The following PIEZO2 variants were observed in gnomAD, a reference collection of about 807,000 sequenced individuals.
PIEZO2 encodes piezo-type mechanosensitive ion channel component 2.
PIEZO2 carries 172 observed loss-of-function variants against 337.3 expected under a neutral mutation model. That is an observed-to-expected ratio of 0.51 (90% CI 0.45 to 0.58). The LOEUF (loss-of-function observed/expected upper bound fraction) is 0.58. PIEZO2 is among the 20% of genes least tolerant of loss of function. The pLI is 0.00. For missense variants in PIEZO2, 3,028 were observed against 3,391.3 expected (o/e 0.89, Z 2.66); for synonymous variants, 1,251 against 1,228.5 (o/e 1.02, Z -0.38).
chr18:10,783,593 C>T lies in PIEZO2; in HGVS notation c.2492+1191G>A, dbSNP rs2039107929. On this transcript the variant is annotated intron_variant, in intron 17 of 55. Coordinates refer to ENST00000674853, the MANE Select transcript of PIEZO2 (RefSeq NM_001378183.1). This position sits in a 1 kb window ranked among gnomAD's most constrained non-coding sequence, Gnocchi z 4.3. ...ATATGGAGATGGTAAACCACTGACC[C>T]CATCCATGCCCTCCTCCCTGCTGGG... Among the ~76,000 whole-genome samples the T allele has an allele frequency of 6.6e-6, 1 of 152,174 alleles. No homozygotes were observed. The highest frequency in any genetic ancestry group is 2.1e-4 in the South Asian group (1 of 4,826).
intron 3 of PIEZO2, among the ~76,000 whole-genome samples, chr18:10,925,020 A>G (rs1281456382): frequency 1.3e-5 from 2 of 152,242 alleles, no homozygotes; most frequent in Admixed American, 6.5e-5. Flanking sequence ...TTTCCTGAAC[A>G]TATGTCAAAT....
At chr18:11,059,135 A>C (rs1305607077) in intron 2 of PIEZO2, among the ~76,000 whole-genome samples, 3 of 152,260 alleles carry the variant, frequency 2.0e-5, no homozygotes, top group African/African-American at 7.2e-5. Context: ...TTCAACCCAG[A>C]ATTTCATATC....
chr18:10,965,245 C>A lies in PIEZO2; in HGVS notation c.286+14290G>T, dbSNP rs552296920. 4.6e-5 allele frequency among the ~76,000 whole-genome samples: 7 copies of A among 152,268 alleles called. No individual in the cohort carries two copies. In the East Asian group the frequency reaches 1.2e-3, roughly 25 times the overall value. ...CACACTGGGTGTATGATTTTCATTCCCACCAGCAGAGAGCTCCAGTTTCTC... is the reference window on the plus strand; with the variant it reads ...CACACTGGGTGTATGATTTTCATTCACACCAGCAGAGAGCTCCAGTTTCTC... On this transcript the variant is annotated intron_variant, in intron 3 of 55. Coordinates refer to ENST00000674853, the MANE Select transcript of PIEZO2 (RefSeq NM_001378183.1).
At chr18:10,809,579 C>T (rs1242141649) in intron 7 of PIEZO2, among the ~76,000 whole-genome samples, 3 of 148,946 alleles carry the variant, frequency 2.0e-5, no homozygotes, top group African/African-American at 7.4e-5. Flanking sequence ...CTCTCTCTCT[C>T]TTTTTTTTTT....
At chr18:11,119,984 G>A (rs79229940) in intron 1 of PIEZO2, among the ~76,000 whole-genome samples, 1,527 of 152,258 alleles carry the variant, frequency 0.01, 31 homozygotes, top group African/African-American at 0.035. Flanking sequence ...GTACCTCCAT[G>A]TTATAATTTG....
rs1599002947 is a variant in PIEZO2, at chr18:11,128,527, G to A, written c.64+19998C>T. ...CTCTGATGAACCTTTTTTGCCAGAA[G>A]GAACAGCTTCCCCATCCCCAGTAGC... is the stretch of plus-strand genomic sequence containing the variant. On this transcript the variant is annotated intron_variant, in intron 1 of 55. Coordinates refer to ENST00000674853, the MANE Select transcript of PIEZO2 (RefSeq NM_001378183.1). This position sits in a 1 kb window ranked among gnomAD's most constrained non-coding sequence, Gnocchi z 4.1. Among the ~76,000 whole-genome samples the A allele has an allele frequency of 1.3e-5, 2 of 152,224 alleles. No individual in the cohort carries two copies. The highest frequency in any genetic ancestry group is 3.9e-4 in the East Asian group (2 of 5,180).
At position 10,854,552 on chromosome 18, in the gene PIEZO2, G is replaced by T. The variant is rs1458089412; in HGVS notation, c.917+801C>A. ...GAATTTTCTCTCATTCACTGAGAAT[G>T]ACTTATTAAAAGTCAAAGTAAATGC... is the stretch of plus-strand genomic sequence containing the variant. On this transcript the variant is annotated intron_variant, in intron 7 of 55. Transcript: ENST00000674853. This position sits in a 1 kb window ranked among gnomAD's most constrained non-coding sequence, Gnocchi z 4.6. Among the ~76,000 whole-genome samples, 1 of 152,142 alleles carries T rather than the reference G, an allele frequency of 6.6e-6. No individual in the cohort carries two copies. Among genetic ancestry groups the T allele is most frequent in the Non-Finnish European group, 1.5e-5 (1 of 68,032 alleles).
Position 10,714,917 on chromosome 18 carries a change from G to T in PIEZO2, c.5270C>A (p.Thr1757Asn). The change falls in exon 39 of 56, where the codon ACT becomes AAT. Residue 1757 changes from threonine (T) to asparagine (N), a missense_variant. Transcript: ENST00000674853. ...TREIKKGNVPTRESIHMYYQN... is the reference protein window; with the variant it reads ...TREIKKGNVPNRESIHMYYQN... ...ATAGTACATGTGGATGCTCTCCCGA[G>T]TTGGAACATTGCCCTGAGGAGAATG... The T allele has an allele frequency of 4.6e-6, 7 of 1,537,102 alleles. No individual in the cohort carries two copies. The highest frequency in any genetic ancestry group is 6.1e-6 in the Non-Finnish European group (7 of 1,146,814).
At chr18:11,135,549 T>G (rs963184684) in intron 1 of PIEZO2, among the ~76,000 whole-genome samples, 2 of 152,212 alleles carry the variant, frequency 1.3e-5, no homozygotes, top group East Asian at 3.9e-4. Context: ...GCAGATTGAT[T>G]GATTGATTGA....
intron 53 of PIEZO2, among the ~76,000 whole-genome samples, chr18:10,675,756 T>C (rs192421652): frequency 0.011 from 1,612 of 152,288 alleles, 17 homozygotes; most frequent in Non-Finnish European, 0.017. Context: ...CCACATGTTA[T>C]GGGAGGGGCT....
At chr18:10,937,104 A>C (rs1465638073) in intron 3 of PIEZO2, among the ~76,000 whole-genome samples, 1 of 152,216 alleles carries the variant, frequency 6.6e-6, no homozygotes, top group East Asian at 1.9e-4. Flanking sequence ...ATGAAGAGTA[A>C]ACTATTTACT....
At chr18:10,694,365 G>A (rs1306848836) in intron 47 of PIEZO2, among the ~76,000 whole-genome samples, 4 of 151,656 alleles carry the variant, frequency 2.6e-5, no homozygotes, top group African/African-American at 4.8e-5. Flanking sequence ...AGCCACATAC[G>A]TAAAATCCAT....
rs1054940895 is a variant in PIEZO2, at chr18:10,855,581, C to G, written c.704-15G>C. On this transcript the variant is annotated splice_polypyrimidine_tract_variant and intron_variant, in intron 6 of 55. Transcript: ENST00000674853. The surrounding 1 kb of genome is among the most constrained non-coding windows in gnomAD (Gnocchi z 4.9). Reference sequence around the variant, plus strand: ...CAACATCATGCCTAAGGAAGAGAAACGTAATCACAAAGTCAGGTAGAACTG... The same window carrying G: ...CAACATCATGCCTAAGGAAGAGAAAGGTAATCACAAAGTCAGGTAGAACTG... The G allele has an allele frequency of 7.1e-5, 107 of 1,516,652 alleles. No individual in the cohort carries two copies. The highest frequency in any genetic ancestry group is 9.2e-5 in the Non-Finnish European group (104 of 1,129,952). The allele number at this position is 1,516,652 out of a possible 1,614,324, so 93.9% of individuals were successfully genotyped here.
chr18:10,854,459 A>G lies in PIEZO2; in HGVS notation c.917+894T>C, dbSNP rs1051459633. ...TAATAGAACATATCATTAAGGATTG[A>G]TGAATAGTAATTCTCTAATTCTATT... On this transcript the variant is annotated intron_variant, in intron 7 of 55. Coordinates refer to ENST00000674853, the MANE Select transcript of PIEZO2 (RefSeq NM_001378183.1). This position sits in a 1 kb window ranked among gnomAD's most constrained non-coding sequence, Gnocchi z 4.6. Among the ~76,000 whole-genome samples the G allele has an allele frequency of 1.3e-5, 2 of 152,208 alleles. No homozygotes were observed. The highest frequency in any genetic ancestry group is 2.9e-5 in the Non-Finnish European group (2 of 68,040).
In PIEZO2 at chr18:10,863,562, C is replaced by T. The variant is rs548853491; in HGVS notation, c.493-6351G>A. ...AGACAGTGGCCAGTTAGACCAATGCCTAAAGGATCTGTGGAGCTTTGAAAA... is the reference window on the plus strand; with the variant it reads ...AGACAGTGGCCAGTTAGACCAATGCTTAAAGGATCTGTGGAGCTTTGAAAA... On this transcript the variant is annotated intron_variant, in intron 5 of 55. Coordinates refer to ENST00000674853, the MANE Select transcript of PIEZO2 (RefSeq NM_001378183.1). This position sits in a 1 kb window ranked among gnomAD's most constrained non-coding sequence, Gnocchi z 4.3. Among the ~76,000 whole-genome samples, 1 of 152,302 alleles carries T rather than the reference C, an allele frequency of 6.6e-6. No individual in the cohort carries two copies. The highest frequency in any genetic ancestry group is 1.5e-5 in the Non-Finnish European group (1 of 68,036).
chr18:10,731,175 GATTATATATAT>G lies in PIEZO2; in HGVS notation c.5029+221_5029+231del, dbSNP rs1377309691. On this transcript the variant is annotated intron_variant, in intron 36 of 55. Transcript: ENST00000674853. ...AACTCTCCTTTTTTCCTACTTAAAAGATTATATATATATATATATATATATATATATATATA... is the reference window on the plus strand; with the variant it reads ...AACTCTCCTTTTTTCCTACTTAAAAGATATATATATATATATATATATATA... 0.017 allele frequency among the ~76,000 whole-genome samples: 2,014 copies of G among 117,714 alleles called. 71 individuals carry two copies. Among genetic ancestry groups the G allele is most frequent in the African/African-American group, 0.044 (1,457 of 33,152 alleles). 77.2% of individuals were successfully genotyped at this position (117,714 alleles called of 152,430 possible).
intron 3 of PIEZO2, among the ~76,000 whole-genome samples, chr18:10,941,268 C>T (rs944573496): frequency 6.6e-6 from 1 of 152,108 alleles, no homozygotes; most frequent in African/African-American, 2.4e-5. Flanking sequence ...AAGTTAATAG[C>T]AGGCTCGCAC....
At position 10,784,893 on chromosome 18, in the gene PIEZO2, T is replaced by C. The variant is rs1555646155; in HGVS notation, c.2383A>G (p.Thr795Ala). 1 of 1,537,446 alleles carries C rather than the reference T, an allele frequency of 6.5e-7. No individual in the cohort carries two copies. Among genetic ancestry groups the C allele is most frequent in the Non-Finnish European group, 8.7e-7 (1 of 1,146,926 alleles). ...AELFTRIFIP[T>A]SFLLVCILHL... is the part of the protein sequence containing the mutation. Reference sequence around the variant, plus strand: ...AAAATGCACACCAGCAGAAAGGAGGTTGGGATGAATATGCGAGTGAATAGT... The same window carrying C: ...AAAATGCACACCAGCAGAAAGGAGGCTGGGATGAATATGCGAGTGAATAGT... Residue 795 changes from threonine to alanine, a missense_variant, in exon 17 of 56, where the codon ACC becomes GCC. Around this residue, in one of 5 missense-constraint regions of PIEZO2, gnomAD observed 1,925 missense variants for 2,051.9 expected, o/e 0.94. Transcript: ENST00000674853. The surrounding 1 kb of genome is among the most constrained non-coding windows in gnomAD (Gnocchi z 4.5).
intron 2 of PIEZO2, among the ~76,000 whole-genome samples, chr18:11,025,040 G>A (rs551423626): frequency 2.0e-4 from 31 of 151,970 alleles, no homozygotes; most frequent in African/African-American, 6.8e-4. Context: ...CATTTTACAC[G>A]GAAGCATTTC....
Sources: gnomAD v4.1 joint callset for allele counts (sites outside exome capture counted in the v4.1 genomes callset) on GRCh38, gnomAD v4.1.1 for gene constraint, gnomAD v4.1.1 regional missense constraint, Gnocchi (gnomAD v3.1) non-coding constraint, MANE v1.5 for transcripts, NCBI Gene and HGNC (gene_info 2026-07-23, HGNC 2026-07-21) for gene names.